Variants in NAB2 observed in about 807,000 individuals in gnomAD.
The protein encoded by NAB2 is NGFI-A binding protein 2.
Under a neutral mutation model 44.2 loss-of-function variants are expected in NAB2, and 9 were observed. The observed-to-expected ratio is 0.20, with a 90% CI of 0.12 to 0.36. NAB2 has a LOEUF of 0.36. Ranked by LOEUF, NAB2 falls within the 10% of genes least tolerant of loss-of-function variation. The pLI, the probability that NAB2 is intolerant of heterozygous loss-of-function variation, is 1.00. For synonymous variants in NAB2, 342 were observed against 291.0 expected, an observed-to-expected ratio of 1.18 and a Z score of -1.78; for missense variants, 514 against 709.0, an observed-to-expected ratio of 0.73 and a Z score of 3.12.
At position 57,093,557 on chromosome 12, in the gene NAB2, G is replaced by A. The variant is rs1320247375; in HGVS notation, c.1427G>A (p.Gly476Asp). Residue 476 changes from glycine to aspartate, a missense_variant, in exon 6 of 7, where the codon GGC becomes GAC. By Grantham distance (94) the Gly-to-Asp change is moderately conservative. Coordinates refer to ENST00000300131, the MANE Select transcript of NAB2 (RefSeq NM_005967.4). ...CGCCTCGTCTCCCACGACCGCGTGG[G>A]CCGCCTCAGCCCCTGTGTGCCTGCG... Reference protein sequence around the residue: ...LARLVSHDRVGRLSPCVPAKP... With the variant: ...LARLVSHDRVDRLSPCVPAKP... The A allele has an allele frequency of 6.5e-7, 1 of 1,542,078 alleles. No homozygotes were observed. Among genetic ancestry groups the A allele is most frequent in the Non-Finnish European group, 8.7e-7 (1 of 1,144,250 alleles).
At position 57,091,245 on chromosome 12, in the gene NAB2, C is replaced by T. The variant is rs151285788; in HGVS notation, c.204C>T (p.Asp68=). The T allele has an allele frequency of 9.6e-4, 1,533 of 1,601,590 alleles. 2 individuals carry two copies. The highest frequency in any genetic ancestry group is 1.2e-3 in the Non-Finnish European group (1,377 of 1,170,712). The change falls in exon 2 of 7, where the codon GAC becomes GAT. Residue 68 remains aspartate (D), a synonymous_variant. Transcript: ENST00000300131. This position sits in a 1 kb window ranked among gnomAD's most constrained non-coding sequence, Gnocchi z 7.3. ...YETFIQQGGD[D]VQQLCEAGEE... ...CCTTCATCCAGCAGGGAGGGGACGACGTGCAGCAGCTGTGTGAGGCGGGTG... is the reference window on the plus strand; with the variant it reads ...CCTTCATCCAGCAGGGAGGGGACGATGTGCAGCAGCTGTGTGAGGCGGGTG...
chr12:57,091,077 T>C lies in NAB2; in HGVS notation c.84-48T>C. 1 of 1,447,986 alleles carries C rather than the reference T, an allele frequency of 6.9e-7. No individual in the cohort carries two copies. Among genetic ancestry groups the C allele is most frequent in the Non-Finnish European group, 9.3e-7 (1 of 1,079,104 alleles). 89.7% of individuals were successfully genotyped at this position (1,447,986 alleles called of 1,614,324 possible). ...ATTGTTAGTGTGGGTTGGTACCCAG[T>C]AGGGGGACTTGCACCGACTGCCTCT... On this transcript the variant is annotated intron_variant, in intron 1 of 6. Coordinates refer to ENST00000300131, the MANE Select transcript of NAB2 (RefSeq NM_005967.4). The surrounding 1 kb of genome is among the most constrained non-coding windows in gnomAD (Gnocchi z 7.3).
intron 1 of NAB2, among the ~76,000 whole-genome samples, chr12:57,090,471 C>T (rs1435526892): frequency 6.8e-6 from 1 of 147,352 alleles, no homozygotes; most frequent in Non-Finnish European, 1.5e-5. Flanking sequence ...AGCGAGACTC[C>T]GTCTCAAATA....
intron 2 of NAB2, 191 bp from the exon 3 acceptor site, chr12:57,092,257 G>C (rs949408386): frequency 2.9e-6 from 3 of 1,021,018 alleles, no homozygotes; most frequent in Non-Finnish European, 4.2e-6. Context: ...AGGAGGCCCC[G>C]GGCATTCCTA....
rs772519321 is a variant in NAB2, at chr12:57,093,075, A to G, written c.1156A>G (p.Ser386Gly). Residue 386 changes from serine (S) to glycine (G), a missense_variant, in exon 5 of 7, where the codon AGT (serine) becomes GGT (glycine). By Grantham distance (56) the Ser-to-Gly change is moderately conservative. This residue lies in a region of NAB2 where 194 missense variants were observed against 223.9 expected (regional missense o/e 0.87). Transcript: ENST00000300131. ...KKLKQEVGEQ[S>G]HPEIQQPPPG... ...TGGGCATCCACAGGTTGGAGAACAG[A>G]GTCACCCTGAAATCCAGCAGCCTCC... The G allele has an allele frequency of 6.2e-7, 1 of 1,613,068 alleles. No individual in the cohort carries two copies. Among genetic ancestry groups the G allele is most frequent in the South Asian group, 1.1e-5 (1 of 90,986 alleles).
chr12:57,093,063 G>T lies in NAB2; in HGVS notation c.1144G>T (p.Val382Phe). The change falls in exon 5 of 7, where the codon GTT becomes TTT. Residue 382 changes from valine to phenylalanine, a missense_variant and splice_region_variant. Physicochemically the swap from Val to Phe is conservative, Grantham distance 50. Coordinates refer to ENST00000300131, the MANE Select transcript of NAB2 (RefSeq NM_005967.4). Reference sequence around the variant, plus strand: ...ATTTCCCCATGTTGGGCATCCACAGGTTGGAGAACAGAGTCACCCTGAAAT... The same window carrying T: ...ATTTCCCCATGTTGGGCATCCACAGTTTGGAGAACAGAGTCACCCTGAAAT... The part of the protein sequence containing the change: ...GPPLKKLKQE[V>F]GEQSHPEIQQ... 6.2e-7 allele frequency: 1 copy of T among 1,613,644 alleles called. No individual in the cohort carries two copies. Among genetic ancestry groups the T allele is most frequent in the South Asian group, 1.1e-5 (1 of 91,048 alleles).
chr12:57,093,145 A>G lies in NAB2; in HGVS notation c.1226A>G (p.Glu409Gly), dbSNP rs779130433. The change falls in exon 5 of 7, where the codon GAG (glutamate) becomes GGG (glycine). Residue 409 changes from glutamate (E) to glycine (G), a missense_variant. Physicochemically the swap from Glu to Gly is moderately conservative, Grantham distance 98 (BLOSUM62 -2). This residue lies in a region of NAB2 where 194 missense variants were observed against 223.9 expected (regional missense o/e 0.87). Coordinates refer to ENST00000300131, the MANE Select transcript of NAB2 (RefSeq NM_005967.4). Reference sequence around the variant, plus strand: ...GTACCCCCATACCGCCCCAGCCTGGAGGAGGACAGCGCCAGCCTGTCTGGG... The same window carrying G: ...GTACCCCCATACCGCCCCAGCCTGGGGGAGGACAGCGCCAGCCTGTCTGGG... ...SYVPPYRPSL[E>G]EDSASLSGES... The G allele has an allele frequency of 9.3e-6, 15 of 1,612,634 alleles. No homozygotes were observed. The highest frequency in any genetic ancestry group is 1.3e-5 in the Non-Finnish European group (15 of 1,179,428).
Position 57,091,292 on chromosome 12 carries a change from T to C in NAB2, c.251T>C (p.Met84Thr). The C allele has an allele frequency of 6.2e-7, 1 of 1,610,346 alleles. No individual in the cohort carries two copies. Among genetic ancestry groups the C allele is most frequent in the Non-Finnish European group, 8.5e-7 (1 of 1,176,812 alleles). Residue 84 changes from methionine (M) to threonine (T), a missense_variant, in exon 2 of 7, where the codon ATG becomes ACG. Coordinates refer to ENST00000300131, the MANE Select transcript of NAB2 (RefSeq NM_005967.4). This position sits in a 1 kb window ranked among gnomAD's most constrained non-coding sequence, Gnocchi z 7.3. ...GGTGAGGAGGAGTTTCTGGAGATCA[T>C]GGCACTTGTGGGCATGGCCACCAAG... ...EAGEEEFLEI[M>T]ALVGMATKPL...
intron 1 of NAB2, among the ~76,000 whole-genome samples, chr12:57,090,639 A>T (rs1179785727): frequency 1.3e-5 from 2 of 152,200 alleles, no homozygotes; most frequent in Non-Finnish European, 2.9e-5. Flanking sequence ...CAGGGAATGA[A>T]GCTGGCCAGC....
intron 2 of NAB2, chr12:57,092,206 A>G: frequency 9.6e-7 from 1 of 1,046,744 alleles, no homozygotes; most frequent in Non-Finnish European, 1.3e-6. Flanking sequence ...GGCAGCACCG[A>G]GCTGTTCAGC....
Position 57,093,127 on chromosome 12 carries a change from C to A in NAB2, c.1208C>A (p.Pro403Gln). 1 of 1,613,736 alleles carries A rather than the reference C, an allele frequency of 6.2e-7. No homozygotes were observed. Among genetic ancestry groups the A allele is most frequent in the Non-Finnish European group, 8.5e-7 (1 of 1,179,804 alleles). ...PPPGPESYVP[P>Q]YRPSLEEDSA... ...CCAGGCCCTGAGTCCTATGTACCCC[C>A]ATACCGCCCCAGCCTGGAGGAGGAC... Residue 403 changes from proline (P) to glutamine (Q), a missense_variant, in exon 5 of 7, where the codon CCA (proline) becomes CAA (glutamine). This residue lies in a region of NAB2 where 194 missense variants were observed against 223.9 expected (regional missense o/e 0.87). Transcript: ENST00000300131.
intron 6 of NAB2, among the ~76,000 whole-genome samples, chr12:57,093,809 G>A (rs996097168): frequency 2.0e-5 from 3 of 152,140 alleles, no homozygotes; most frequent in African/African-American, 7.2e-5. Flanking sequence ...TCCTAGTGTA[G>A]ATCTGTGAAA....
At chr12:57,092,238 C>A in intron 2 of NAB2, 2 of 1,001,040 alleles carry the variant, frequency 2.0e-6, no homozygotes, top group South Asian at 1.7e-5. Flanking sequence ...CAGGACCCCA[C>A]AGGAGAGGAG....
chr12:57,093,382 A>AC, intron 5 of NAB2, 25 bp from the exon 6 acceptor site: 1 of 1,530,290 alleles, frequency 6.5e-7, no homozygotes, highest in Non-Finnish European at 8.8e-7. Context: ...GCAGCCCCTT[A>AC]CCTGACCAGT....
In NAB2 at chr12:57,094,992, C is replaced by T. The variant is rs948794058; in HGVS notation, c.*271C>T. The T allele has an allele frequency of 1.2e-5, 6 of 482,456 alleles. No individual in the cohort carries two copies. Among genetic ancestry groups the T allele is most frequent in the Admixed American group, 1.1e-4 (3 of 26,426 alleles). The allele number at this position is 482,456 out of a possible 1,614,324, so 29.9% of individuals were successfully genotyped here. A position where few individuals can be genotyped will look rare whatever the true frequency, so the allele number is the denominator to read the frequency against. ...TGCCTCCAGGGCATCTGGGGTTTTC[C>T]CCTCCCTCACACAACACACTCCCAT... On this transcript the variant is annotated 3_prime_UTR_variant, in exon 7 of 7. Transcript: ENST00000300131.
intron 1 of NAB2, among the ~76,000 whole-genome samples, chr12:57,090,043 TC>T (rs1438488913): frequency 6.6e-6 from 1 of 151,870 alleles, no homozygotes; most frequent in African/African-American, 2.4e-5. Flanking sequence ...ATTGCGCCCC[TC>T]CCCCTGCCAC....
chr12:57,092,097 T>G (rs1483577473), intron 2 of NAB2, 99 bp downstream of exon 2: 1 of 1,479,488 alleles, frequency 6.8e-7, no homozygotes, highest in Non-Finnish European at 8.9e-7. Context: ...TTTCATTATC[T>G]CTTGACCAGG....
At position 57,093,141 on chromosome 12, in the gene NAB2, C is replaced by G. The variant is rs1039809380; in HGVS notation, c.1222C>G (p.Leu408Val). 1 of 1,613,562 alleles carries G rather than the reference C, an allele frequency of 6.2e-7. No homozygotes were observed. The highest frequency in any genetic ancestry group is 1.3e-5 in the African/African-American group (1 of 75,048). ...CTATGTACCCCCATACCGCCCCAGCCTGGAGGAGGACAGCGCCAGCCTGTC... is the reference window on the plus strand; with the variant it reads ...CTATGTACCCCCATACCGCCCCAGCGTGGAGGAGGACAGCGCCAGCCTGTC... ...ESYVPPYRPS[L>V]EEDSASLSGE... The change falls in exon 5 of 7, where the codon CTG becomes GTG. Residue 408 changes from leucine (L) to valine (V), a missense_variant. Transcript: ENST00000300131.
chr12:57,092,700 T>C, intron 3 of NAB2, 119 bp downstream of exon 3: 1 of 1,415,084 alleles, frequency 7.1e-7, no homozygotes, highest in African/African-American at 1.4e-5. Flanking sequence ...ATGTCCTGCT[T>C]TTGGCCAAGT....
Sources: allele counts gnomAD v4.1 joint callset (sites outside exome capture counted in the v4.1 genomes callset), GRCh38; gene constraint gnomAD v4.1.1; regional missense constraint gnomAD v4.1.1; non-coding constraint Gnocchi (gnomAD v3.1); transcripts MANE v1.5; gene names NCBI Gene and HGNC (gene_info 2026-07-23, HGNC 2026-07-21).